The following TMEM175 variants were observed in gnomAD, a reference collection of about 807,000 sequenced individuals.
The protein encoded by TMEM175 is transmembrane protein 175, also known as endosomal/lysosomal proton channel TMEM175.
A neutral mutation model predicts 36.5 loss-of-function variants in TMEM175; 36 were observed. The observed-to-expected ratio is 0.99, with a 90% confidence interval of 0.76 to 1.30. The LOEUF (loss-of-function observed/expected upper bound fraction) is 1.30. Among genes scored for constraint, TMEM175 ranks in the 50% most tolerant of loss-of-function variants. The pLI is 0.00. For missense variants in TMEM175, 705 were observed against 692.8 expected (o/e 1.02, Z -0.20); for synonymous variants, 339 against 313.4 (o/e 1.08, Z -0.86).
chr4:956,052 G>A (rs911197661), intron 10 of TMEM175, 162 bp downstream of exon 10: 15 of 946,508 alleles, frequency 1.6e-5, no homozygotes, highest in Admixed American at 2.8e-5. Flanking sequence ...CCACTTCAGG[G>A]AGGACAACCT....
chr4:945,648 T>A (rs1250225086), intron 1 of TMEM175, among the ~76,000 whole-genome samples: 2 of 152,140 alleles, frequency 1.3e-5, no homozygotes, highest in Non-Finnish European at 2.9e-5. Context: ...CTACAGCACA[T>A]CCCTCTTCCT....
chr4:956,567 C>A, intron 10 of TMEM175: 2 of 921,278 alleles, frequency 2.2e-6, no homozygotes, highest in South Asian at 1.5e-5. Context: ...CTCAGCCTCC[C>A]AAGTAGTTGG....
intron 1 of TMEM175, among the ~76,000 whole-genome samples, chr4:946,329 A>G (rs2152999878): frequency 6.6e-6 from 1 of 152,348 alleles, no homozygotes; most frequent in Non-Finnish European, 1.5e-5. Flanking sequence ...GGGCTCAGCC[A>G]ACATGGGGCT....
chr4:946,565 G>A (rs1242435388), intron 1 of TMEM175, among the ~76,000 whole-genome samples: 1 of 152,210 alleles, frequency 6.6e-6, no homozygotes, highest in Non-Finnish European at 1.5e-5. Flanking sequence ...AATGGCTCCT[G>A]CAGCCATACC....
Position 955,425 on chromosome 4 carries a change from T to C in TMEM175, c.648T>C (p.Thr216=), listed in dbSNP as rs932612536. The C allele has an allele frequency of 1.9e-6, 3 of 1,614,172 alleles. No individual in the cohort carries two copies. Among genetic ancestry groups the C allele is most frequent in the Non-Finnish European group, 2.5e-6 (3 of 1,180,002 alleles). ...FVPLSYLLMV[T]VILLPYVSKV... is the part of the protein sequence containing the mutation. ...TGCAGTCTTACCTGCTGATGGTGAC[T>C]GTCATCCTCCTCCCCTATGTCAGCA... Residue 216 remains threonine, a synonymous_variant, in exon 9 of 11, where the codon ACT becomes ACC. Transcript: ENST00000264771.
At chr4:956,006 G>A (rs948160309) in intron 10 of TMEM175, 116 bp downstream of exon 10, 1 of 1,315,982 alleles carries the variant, frequency 7.6e-7, no homozygotes, top group South Asian at 1.4e-5. Flanking sequence ...ACCCTCCTCT[G>A]GATGCCTAGA....
At chr4:954,001 T>C (rs1255986045) in intron 8 of TMEM175, among the ~76,000 whole-genome samples, 3 of 151,342 alleles carry the variant, frequency 2.0e-5, no homozygotes, top group Admixed American at 1.3e-4. Flanking sequence ...CTTTTTTTCT[T>C]TTTTTTTTCT....
At chr4:944,510 C>T (rs1467994550) in intron 1 of TMEM175, among the ~76,000 whole-genome samples, 2 of 152,154 alleles carry the variant, frequency 1.3e-5, no homozygotes, top group East Asian at 3.9e-4. Flanking sequence ...CTCCCCGCCC[C>T]TCCCTGCCTG....
rs182972066 is a variant in TMEM175, at chr4:942,742, C to A, written c.-31-4967C>A. On this transcript the variant is annotated intron_variant, in intron 1 of 10. Transcript: ENST00000264771. ...GCAACCTTCGCCTCCCAGGTTCAAG[C>A]GATTCTCTTGCTTCAGCCTCCTGAG... Among the ~76,000 whole-genome samples the A allele has an allele frequency of 3.3e-5, 5 of 151,712 alleles. 1 individual carries two copies. Among genetic ancestry groups the A allele is most frequent in the Non-Finnish European group, 7.4e-5 (5 of 67,992 alleles).
At position 958,523 on chromosome 4, in the gene TMEM175, C is replaced by T. The variant is rs952612615; in HGVS notation, c.*27C>T. The T allele has an allele frequency of 1.4e-6, 2 of 1,467,976 alleles. No individual in the cohort carries two copies. Among genetic ancestry groups the T allele is most frequent in the African/African-American group, 1.4e-5 (1 of 71,546 alleles). The allele number at this position is 1,467,976 out of a possible 1,614,324, so 90.9% of individuals were successfully genotyped here. A position where few individuals can be genotyped will look rare whatever the true frequency, so the allele number is the denominator to read the frequency against. The stretch of plus-strand genomic sequence containing the variant: ...AGCCACAGAGCCCACTCCCAGCCGT[C>T]CTCACCAGAGATGGACCAGGGAGGA... On this transcript the variant is annotated 3_prime_UTR_variant, in exon 11 of 11. Coordinates refer to ENST00000264771, the MANE Select transcript of TMEM175 (RefSeq NM_032326.4).
Position 947,135 on chromosome 4 carries a change from G to A in TMEM175, c.-31-574G>A, listed in dbSNP as rs557470206. On this transcript the variant is annotated intron_variant, in intron 1 of 10. Coordinates refer to ENST00000264771, the MANE Select transcript of TMEM175 (RefSeq NM_032326.4). ...ACGGGCGCCGAGACCGGGGGAGAGC[G>A]CAGCCCCTGTAGGAGACAGCCCCAG... is the stretch of plus-strand genomic sequence containing the variant. Among the ~76,000 whole-genome samples the A allele has an allele frequency of 4.1e-4, 57 of 140,498 alleles. No homozygotes were observed. In the South Asian group the frequency reaches 5.4e-3, roughly 13 times the overall value. The allele number at this position is 140,498 out of a possible 152,430, so 92.2% of individuals were successfully genotyped here. A position where few individuals can be genotyped will look rare whatever the true frequency, so the allele number is the denominator to read the frequency against.
intron 3 of TMEM175, chr4:948,495 C>T (rs1448234006): frequency 2.1e-6 from 3 of 1,422,044 alleles, no homozygotes; most frequent in Non-Finnish European, 2.8e-6. Context: ...CAGAAGTTTC[C>T]TCTGCGGGAG....
chr4:952,517 T>TGTGTGA (rs1729048308), intron 7 of TMEM175, 67 bp downstream of exon 7: 2 of 1,233,234 alleles, frequency 1.6e-6, no homozygotes, highest in African/African-American at 4.2e-5. Context: ...TGTGTGTGTG[T>TGTGTGA]GATCACCATC....
In TMEM175 at chr4:938,774, T is replaced by C. The variant is rs115580016; in HGVS notation, c.-32+6234T>C. Among the ~76,000 whole-genome samples the C allele has an allele frequency of 6.6e-3, 1,007 of 152,316 alleles. 7 individuals are homozygous for C. The highest frequency in any genetic ancestry group is 0.023 in the African/African-American group (954 of 41,570). On this transcript the variant is annotated intron_variant, in intron 1 of 10. Coordinates refer to ENST00000264771, the MANE Select transcript of TMEM175 (RefSeq NM_032326.4). ...TTAAAGCCCATAATAAATGGAGAGA[T>C]ATGCCATATTCATAAACTAGGAGAT... is the stretch of plus-strand genomic sequence containing the variant.
intron 8 of TMEM175, among the ~76,000 whole-genome samples, chr4:954,272 C>T (rs1186003307): frequency 6.6e-6 from 1 of 152,242 alleles, no homozygotes; most frequent in Admixed American, 6.5e-5. Flanking sequence ...CAGGCATGAG[C>T]CACTGCGTCC....
At chr4:950,613 C>A in intron 4 of TMEM175, 95 bp downstream of exon 4, 1 of 929,638 alleles carries the variant, frequency 1.1e-6, no homozygotes, top group Non-Finnish European at 1.7e-6. Context: ...TCGGGGAGGA[C>A]AGCAGGCTAC....
In TMEM175 at chr4:953,222, G is replaced by C. The variant is rs781518044; in HGVS notation, c.495G>C (p.Pro165=). The C allele has an allele frequency of 6.2e-7, 1 of 1,612,982 alleles. No homozygotes were observed. The highest frequency in any genetic ancestry group is 8.5e-7 in the Non-Finnish European group (1 of 1,179,464). ...TTGTGGGGTACGCATTCCACTTCCC[G>C]CACCTGCTGAGCCCGCAGATCCAGC... ...ALIVGYAFHF[P]HLLSPQIQRS... Residue 165 remains proline, a synonymous_variant, in exon 8 of 11, where the codon CCG becomes CCC. Coordinates refer to ENST00000264771, the MANE Select transcript of TMEM175 (RefSeq NM_032326.4).
At chr4:951,293 T>C (rs778668474) in intron 5 of TMEM175, 35 bp downstream of exon 5, 3 of 1,612,150 alleles carry the variant, frequency 1.9e-6, no homozygotes, top group Non-Finnish European at 2.5e-6. Context: ...GGGGAGTGAC[T>C]CTGGTCTGTA....
At chr4:945,621 G>A (rs763002333) in intron 1 of TMEM175, among the ~76,000 whole-genome samples, 23 of 152,214 alleles carry the variant, frequency 1.5e-4, no homozygotes, top group Middle Eastern at 3.4e-3. Flanking sequence ...TGTGCGTCTC[G>A]CCTTGGTGTG....
Sources: allele counts gnomAD v4.1 joint callset (sites outside exome capture counted in the v4.1 genomes callset), GRCh38; gene constraint gnomAD v4.1.1; transcripts MANE v1.5; gene names NCBI Gene and HGNC (gene_info 2026-07-23, HGNC 2026-07-21).